The following NR2F1-AS1 variants were observed in gnomAD, a reference collection of about 807,000 sequenced individuals.
NR2F1-AS1 encodes the protein NR2F1 regulatory antisense RNA 1, also known as NR2F1 antisense RNA 1.
intron 4 of NR2F1-AS1, among the ~76,000 whole-genome samples, chr5:93,553,191 G>T (rs1415160111): frequency 6.7e-6 from 1 of 149,074 alleles, no homozygotes; most frequent in Non-Finnish European, 1.5e-5. Flanking sequence ...GTGCAGTGGC[G>T]TGATCTCACC....
chr5:93,512,608 T>A (rs1267772272), intron 4 of NR2F1-AS1, among the ~76,000 whole-genome samples: 1 of 152,164 alleles, frequency 6.6e-6, no homozygotes, highest in African/African-American at 2.4e-5. Flanking sequence ...ACTCACTCAC[T>A]GACTAACCCA....
chr5:93,512,009 T>G (rs1489067580), intron 4 of NR2F1-AS1, among the ~76,000 whole-genome samples: 2 of 152,352 alleles, frequency 1.3e-5, no homozygotes, highest in South Asian at 2.1e-4. Context: ...ACTATGTTAC[T>G]GGCTTATGTA....
chr5:93,493,108 A>C (rs1174278531), intron 4 of NR2F1-AS1, among the ~76,000 whole-genome samples: 1 of 152,140 alleles, frequency 6.6e-6, no homozygotes, highest in African/African-American at 2.4e-5. Flanking sequence ...CAAATAAATA[A>C]AACTACTTCT....
chr5:93,554,039 C>A (rs1752293778), intron 3 of NR2F1-AS1, among the ~76,000 whole-genome samples: 1 of 152,142 alleles, frequency 6.6e-6, no homozygotes, highest in Non-Finnish European at 1.5e-5. Context: ...TGTAGTTACT[C>A]TGATCAATTC....
chr5:93,578,799 G>C (rs1752954268), intron 1 of NR2F1-AS1, among the ~76,000 whole-genome samples: 1 of 152,174 alleles, frequency 6.6e-6, no homozygotes. Context: ...CCCAATTGGG[G>C]GATCTAAGTA....
At chr5:93,441,070 C>T (rs1749558199) in intron 4 of NR2F1-AS1, among the ~76,000 whole-genome samples, 1 of 152,182 alleles carries the variant, frequency 6.6e-6, no homozygotes, top group African/African-American at 2.4e-5. Flanking sequence ...CCTTTGAAAA[C>T]TTTAGAGATA....
At chr5:93,447,684 A>C (rs182530046) in intron 4 of NR2F1-AS1, among the ~76,000 whole-genome samples, 1 of 152,278 alleles carries the variant, frequency 6.6e-6, no homozygotes, top group Non-Finnish European at 1.5e-5. Context: ...ATACCATTTG[A>C]CCCAGCCATC....
At chr5:93,425,314 C>G (rs1425318979) in intron 4 of NR2F1-AS1, among the ~76,000 whole-genome samples, 4 of 152,146 alleles carry the variant, frequency 2.6e-5, no homozygotes, top group Non-Finnish European at 5.9e-5. Flanking sequence ...TTCTGGGTGA[C>G]CACTCATCCT....
chr5:93,545,820 C>T (rs1034476037), intron 4 of NR2F1-AS1, among the ~76,000 whole-genome samples: 3 of 152,212 alleles, frequency 2.0e-5, no homozygotes, highest in Non-Finnish European at 4.4e-5. Context: ...TAATAATTCT[C>T]ATACTACTTG....
At chr5:93,419,830 T>C (rs1749050597) in intron 4 of NR2F1-AS1, among the ~76,000 whole-genome samples, 2 of 152,184 alleles carry the variant, frequency 1.3e-5, no homozygotes, top group Non-Finnish European at 2.9e-5. Context: ...ATAACCTTTA[T>C]TCTGATTGAA....
intron 4 of NR2F1-AS1, among the ~76,000 whole-genome samples, chr5:93,491,308 T>C (rs947592479): frequency 2.0e-5 from 3 of 149,500 alleles, no homozygotes; most frequent in African/African-American, 7.4e-5. Context: ...TTGGTGGTGG[T>C]AGTTGTCCTG....
At chr5:93,501,060 T>C (rs568681072) in intron 4 of NR2F1-AS1, among the ~76,000 whole-genome samples, 3 of 152,230 alleles carry the variant, frequency 2.0e-5, no homozygotes, top group African/African-American at 7.2e-5. Context: ...CCATGTTTCA[T>C]AAAAGGAGAT....
chr5:93,421,754 C>T (rs908301607), intron 4 of NR2F1-AS1, among the ~76,000 whole-genome samples: 2 of 152,146 alleles, frequency 1.3e-5, no homozygotes, highest in South Asian at 2.1e-4. Flanking sequence ...TCTTGGCTGC[C>T]GACACTGGAT....
At chr5:93,569,195 T>C (rs919465398) in intron 1 of NR2F1-AS1, among the ~76,000 whole-genome samples, 11 of 152,072 alleles carry the variant, frequency 7.2e-5, no homozygotes, top group African/African-American at 2.2e-4. Flanking sequence ...GACCCTAAAA[T>C]TTCCCACAGC....
chr5:93,515,663 T>A (rs2149892942), intron 4 of NR2F1-AS1, among the ~76,000 whole-genome samples: 1 of 149,506 alleles, frequency 6.7e-6, no homozygotes, highest in African/African-American at 2.4e-5. Context: ...AATCGATGGA[T>A]AATATTAACA....
chr5:93,511,685 C>T (rs1339339367), intron 4 of NR2F1-AS1, among the ~76,000 whole-genome samples: 1 of 152,110 alleles, frequency 6.6e-6, no homozygotes, highest in Non-Finnish European at 1.5e-5. Context: ...GGAACTGGGC[C>T]GCAAAGCAGG....
intron 4 of NR2F1-AS1, among the ~76,000 whole-genome samples, chr5:93,498,729 A>T (rs1751015845): frequency 6.6e-6 from 1 of 152,164 alleles, no homozygotes; most frequent in East Asian, 1.9e-4. Flanking sequence ...GTTAGAAGAG[A>T]ACACAAGTAA....
chr5:93,495,191 T>C (rs1338795690), intron 4 of NR2F1-AS1, among the ~76,000 whole-genome samples: 2 of 152,202 alleles, frequency 1.3e-5, no homozygotes, highest in African/African-American at 4.8e-5. Flanking sequence ...TAAGCTAAAA[T>C]CTCCATAGGG....
At chr5:93,516,045 G>A (rs987691068) in intron 4 of NR2F1-AS1, among the ~76,000 whole-genome samples, 1 of 151,888 alleles carries the variant, frequency 6.6e-6, no homozygotes, top group Non-Finnish European at 1.5e-5. Flanking sequence ...ATTTGTGCCT[G>A]ACACAAATAA....
Sources: allele counts gnomAD v4.1 joint callset (sites outside exome capture counted in the v4.1 genomes callset), GRCh38; gene constraint gnomAD v4.1.1; transcripts MANE v1.5; gene names NCBI Gene and HGNC (gene_info 2026-07-23, HGNC 2026-07-21).